Variants in TENM2 observed in about 807,000 individuals in gnomAD.
TENM2 encodes the protein teneurin-2.
In TENM2, 52 loss-of-function variants were observed where a neutral mutation model predicts 245.2. That is an observed-to-expected ratio of 0.21 (90% confidence interval 0.17 to 0.27). The LOEUF is 0.27. Among genes scored for constraint, TENM2 ranks in the 10% least tolerant of loss-of-function variants. TENM2 has a pLI of 1.00. For synonymous variants in TENM2, 1,363 were observed against 1,438.9 expected (o/e 0.95, Z 1.19); for missense variants, 3,046 against 3,666.8 (o/e 0.83, Z 4.37).
At chr5:167,242,441 G>T in the TENM2 span, among the ~76,000 whole-genome samples, 1 of 152,056 alleles carries the variant, frequency 6.6e-6, no homozygotes, top group African/African-American at 2.4e-5. Context: ...TGAAATAAAT[G>T]AGATATACAG....
chr5:167,296,483 C>A (rs1160402904), intron 1 of TENM2: 1 of 151,876 alleles, frequency 6.6e-6, no homozygotes, highest in East Asian at 1.9e-4. Context: ...AAGTTAGTTT[C>A]AATGGACATA....
chr5:167,950,133 A>G (rs1239016630), intron 3 of TENM2, among the ~76,000 whole-genome samples: 1 of 152,162 alleles, frequency 6.6e-6, no homozygotes, highest in African/African-American at 2.4e-5. Context: ...ATTAGGATAA[A>G]TGAAAAGAGA....
chr5:167,269,599 G>A, the TENM2 span, among the ~76,000 whole-genome samples: 1 of 151,878 alleles, frequency 6.6e-6, no homozygotes, highest in Non-Finnish European at 1.5e-5. Context: ...TGTACTGTCA[G>A]TCCTCCCTCC....
rs141315093 is a variant in TENM2 at position 167,894,347 on chromosome 5, T to C, written c.712+18152T>C. Among the ~76,000 whole-genome samples, 64 of 152,342 alleles carry C rather than the reference T, an allele frequency of 4.2e-4. No individual in the cohort carries two copies. In the East Asian group the frequency reaches 0.011, roughly 27 times the overall value. ...ACCAGCACGTTTAATAAAATGTTTT[T>C]TCATTGCCCTTAGAATAAAACCCAG... On this transcript the variant is annotated intron_variant, in intron 3 of 28. Coordinates refer to ENST00000518659, the Ensembl canonical transcript of TENM2.
chr5:167,727,070 C>T (rs899564213), intron 2 of TENM2, among the ~76,000 whole-genome samples: 2 of 150,660 alleles, frequency 1.3e-5, no homozygotes, highest in African/African-American at 4.9e-5. Flanking sequence ...ACTCAAACTA[C>T]AGCTTGCAAA....
At chr5:168,180,315 C>T (rs1038226521) in intron 13 of TENM2, among the ~76,000 whole-genome samples, 2 of 152,180 alleles carry the variant, frequency 1.3e-5, no homozygotes, top group African/African-American at 4.8e-5. Flanking sequence ...ATTAAAGACT[C>T]ATAACGTGTA....
At position 168,218,822 on chromosome 5, in the gene TENM2, G is replaced by A. The variant is rs1399111842; in HGVS notation, c.4931G>A (p.Gly1644Asp). The A allele has an allele frequency of 2.5e-6, 4 of 1,613,988 alleles. No individual in the cohort carries two copies. The East Asian group carries it at 6.7e-5, about 27-fold the overall frequency. Residue 1644 changes from glycine to aspartate, a missense_variant, in exon 23 of 29, where the codon GGC becomes GAC. By Grantham distance (94) the Gly-to-Asp change is moderately conservative. Transcript: ENST00000518659. The surrounding 1 kb of genome is among the most constrained non-coding windows in gnomAD (Gnocchi z 5.2). ...CTGAAGATCCGTCGGGACAGCAGTGGCATGCCCCGTCACCTGCTCATGCCT... is the reference window on the plus strand; with the variant it reads ...CTGAAGATCCGTCGGGACAGCAGTGACATGCCCCGTCACCTGCTCATGCCT...
intron 3 of TENM2, among the ~76,000 whole-genome samples, chr5:167,905,095 G>A (rs771459841): frequency 2.6e-5 from 4 of 152,070 alleles, no homozygotes; most frequent in Non-Finnish European, 4.4e-5. Context: ...ATGATCTCAC[G>A]GTTGCAACTA....
intron 4 of TENM2, among the ~76,000 whole-genome samples, chr5:167,976,518 T>C (rs1260778516): frequency 6.6e-6 from 1 of 152,176 alleles, no homozygotes; most frequent in South Asian, 2.1e-4. Flanking sequence ...ACAAATATAC[T>C]TGGTGATCCA....
chr5:167,218,127 T>A, the TENM2 span, among the ~76,000 whole-genome samples: 152 of 152,338 alleles, frequency 1.0e-3, 1 homozygote, highest in African/African-American at 3.1e-3. Flanking sequence ...GAGTTTTTTT[T>A]AATTAATCCT....
intron 2 of TENM2, among the ~76,000 whole-genome samples, chr5:167,611,462 G>A (rs1438660564): frequency 6.6e-6 from 1 of 152,000 alleles, no homozygotes; most frequent in Non-Finnish European, 1.5e-5. Context: ...TCCCTCCGTG[G>A]ACCCCAACCC....
At chr5:167,920,341 G>GA (rs1054031853) in intron 3 of TENM2, among the ~76,000 whole-genome samples, 2 of 136,474 alleles carry the variant, frequency 1.5e-5, no homozygotes, top group East Asian at 2.2e-4. Flanking sequence ...AAAAAAAAAA[G>GA]AAAAAAAAAG....
At chr5:168,227,818 T>A in intron 24 of TENM2, 77 bp from the exon 27 acceptor site, 1 of 955,688 alleles carries the variant, frequency 1.0e-6, no homozygotes, top group Non-Finnish European at 1.5e-6. Flanking sequence ...TAAAAAAAAA[T>A]AGGGGTTCTA....
intron 2 of TENM2, among the ~76,000 whole-genome samples, chr5:167,714,931 A>G (rs1392999479): frequency 6.6e-6 from 1 of 152,218 alleles, no homozygotes; most frequent in Non-Finnish European, 1.5e-5. Context: ...CTACTGATGT[A>G]GATAATTAAT....
intron 2 of TENM2, among the ~76,000 whole-genome samples, chr5:167,727,186 T>TGCAA (rs1760079229): frequency 6.9e-6 from 1 of 144,546 alleles, no homozygotes; most frequent in Non-Finnish European, 1.5e-5. Context: ...CTTGGCTCAC[T>TGCAA]GCAAGCTCCA....
chr5:167,813,692 C>T (rs1766817316), intron 2 of TENM2, among the ~76,000 whole-genome samples: 1 of 152,172 alleles, frequency 6.6e-6, no homozygotes. Flanking sequence ...CCCTCCCTCT[C>T]ACTGCATCCC....
At chr5:168,178,836 G>A (rs767358215) in intron 13 of TENM2, among the ~76,000 whole-genome samples, 3 of 152,170 alleles carry the variant, frequency 2.0e-5, no homozygotes, top group East Asian at 1.9e-4. Context: ...GGTGGCTCAC[G>A]CCTGTAATCC....
intron 5 of TENM2, among the ~76,000 whole-genome samples, chr5:167,994,841 T>C (rs1435061249): frequency 6.6e-6 from 1 of 152,188 alleles, no homozygotes; most frequent in Non-Finnish European, 1.5e-5. Flanking sequence ...TGGATTGACC[T>C]CAGAAAGGCG....
rs566610256 is a variant in TENM2 at position 168,103,400 on chromosome 5, C to T, written c.1813+5273C>T. On this transcript the variant is annotated intron_variant, in intron 9 of 28. Transcript: ENST00000518659. ...AATTTACAGACTTTTCCTAACTTTG[C>T]CCTTTCTTTCTCATCCAGGATCCCA... 2.0e-5 allele frequency among the ~76,000 whole-genome samples: 3 copies of T among 152,274 alleles called. No individual in the cohort carries two copies. The East Asian group carries it at 5.8e-4, about 29-fold the overall frequency.
Sources: gnomAD v4.1 joint callset for allele counts (sites outside exome capture counted in the v4.1 genomes callset) on GRCh38, gnomAD v4.1.1 for gene constraint, Gnocchi (gnomAD v3.1) non-coding constraint, MANE v1.5 for transcripts, NCBI Gene and HGNC (gene_info 2026-07-23, HGNC 2026-07-21) for gene names.